Variants in ADAM29 observed in about 807,000 individuals in gnomAD.
ADAM29 encodes the protein ADAM metallopeptidase domain 29.
For missense variants in ADAM29, 969 were observed against 1,001.8 expected (o/e 0.97, Z 0.44); for synonymous variants, 367 against 342.3 (o/e 1.07, Z -0.80).
chr4:174,931,861 G>A (rs536488487), intron 3 of ADAM29, among the ~76,000 whole-genome samples: 3 of 152,200 alleles, frequency 2.0e-5, no homozygotes, highest in African/African-American at 7.2e-5. Flanking sequence ...CAGTGAGAGG[G>A]AGAGTGGGAG....
At chr4:174,953,222 C>T (rs1190064292) in intron 4 of ADAM29, among the ~76,000 whole-genome samples, 1 of 151,980 alleles carries the variant, frequency 6.6e-6, no homozygotes, top group Non-Finnish European at 1.5e-5. Flanking sequence ...GGAGGCGGAG[C>T]TTGCAGTGAG....
intron 4 of ADAM29, among the ~76,000 whole-genome samples, chr4:174,958,524 C>A (rs1745634496): frequency 6.6e-6 from 1 of 151,748 alleles, no homozygotes; most frequent in Non-Finnish European, 1.5e-5. Context: ...TTGTCATAAT[C>A]TTCACATTTA....
chr4:174,919,589 C>G (rs1201518688), intron 1 of ADAM29, among the ~76,000 whole-genome samples: 2 of 152,144 alleles, frequency 1.3e-5, no homozygotes, highest in Non-Finnish European at 2.9e-5. Flanking sequence ...AATTTAGTTA[C>G]TTGTGGTTGT....
intron 4 of ADAM29, among the ~76,000 whole-genome samples, chr4:174,972,159 T>A (rs2111104098): frequency 6.6e-6 from 1 of 152,348 alleles, no homozygotes; most frequent in Middle Eastern, 3.4e-3. Flanking sequence ...AAGTAAATCA[T>A]ATAATGATGT....
At chr4:174,966,177 A>G (rs1470348620) in intron 4 of ADAM29, among the ~76,000 whole-genome samples, 1 of 152,216 alleles carries the variant, frequency 6.6e-6, no homozygotes, top group Non-Finnish European at 1.5e-5. Context: ...AATGACAAGA[A>G]AACTGAATCT....
At chr4:174,939,698 A>T (rs1298376695) in intron 4 of ADAM29, among the ~76,000 whole-genome samples, 1 of 152,160 alleles carries the variant, frequency 6.6e-6, no homozygotes. Context: ...GAAAAAATAA[A>T]ATTTACCTAC....
At chr4:174,929,755 CTT>C (rs61292393) in intron 2 of ADAM29, among the ~76,000 whole-genome samples, 87 of 140,050 alleles carry the variant, frequency 6.2e-4, no homozygotes, top group Middle Eastern at 3.7e-3. Flanking sequence ...ATCTCTCTCT[CTT>C]TTTTTTTTTT....
At chr4:174,942,612 A>T (rs1418702592) in intron 4 of ADAM29, among the ~76,000 whole-genome samples, 1 of 152,064 alleles carries the variant, frequency 6.6e-6, no homozygotes, top group Non-Finnish European at 1.5e-5. Context: ...GGCTTCACAG[A>T]GCAGTTGGGC....
chr4:174,962,819 G>A (rs558471748), intron 4 of ADAM29, among the ~76,000 whole-genome samples: 7 of 152,202 alleles, frequency 4.6e-5, no homozygotes, highest in African/African-American at 1.7e-4. Flanking sequence ...TTCAACATTT[G>A]TTTGTATTAA....
intron 3 of ADAM29, among the ~76,000 whole-genome samples, chr4:174,934,580 C>T (rs1259048200): frequency 6.6e-6 from 1 of 151,996 alleles, no homozygotes; most frequent in Non-Finnish European, 1.5e-5. Flanking sequence ...TTTCTATAAC[C>T]AAAACTCTTC....
At chr4:174,926,077 C>G (rs569740003) in intron 2 of ADAM29, among the ~76,000 whole-genome samples, 23 of 152,158 alleles carry the variant, frequency 1.5e-4, no homozygotes, top group African/African-American at 5.3e-4. Flanking sequence ...TGGAGATTTG[C>G]AAAACCACTG....
intron 4 of ADAM29, among the ~76,000 whole-genome samples, chr4:174,962,421 A>T (rs1745885592): frequency 6.6e-6 from 1 of 151,676 alleles, no homozygotes; most frequent in East Asian, 1.9e-4. Context: ...CTGAGGCAGG[A>T]GAATGGCGTG....
chr4:174,924,573 A>G (rs1470101010), intron 2 of ADAM29, among the ~76,000 whole-genome samples: 1 of 152,248 alleles, frequency 6.6e-6, no homozygotes, highest in Non-Finnish European at 1.5e-5. Flanking sequence ...AGCCTTCAGT[A>G]TGCTAATGAA....
At chr4:174,955,067 T>C (rs975726056) in intron 4 of ADAM29, among the ~76,000 whole-genome samples, 2 of 140,088 alleles carry the variant, frequency 1.4e-5, no homozygotes, top group Non-Finnish European at 3.1e-5. Context: ...TGTATGTTAG[T>C]AATAGTATTA....
At chr4:174,961,129 AAAT>A (rs1360846476) in intron 4 of ADAM29, among the ~76,000 whole-genome samples, 1 of 152,126 alleles carries the variant, frequency 6.6e-6, no homozygotes, top group African/African-American at 2.4e-5. Context: ...TAAAAATAAA[AAAT>A]AATTATATCT....
intron 4 of ADAM29, among the ~76,000 whole-genome samples, chr4:174,973,845 G>A (rs559053336): frequency 1.3e-5 from 2 of 152,260 alleles, no homozygotes; most frequent in African/African-American, 4.8e-5. Context: ...CGAGGCTTTG[G>A]TCTTCCTATG....
chr4:174,972,200 T>A (rs930490645), intron 4 of ADAM29, among the ~76,000 whole-genome samples: 1 of 152,220 alleles, frequency 6.6e-6, no homozygotes, highest in Middle Eastern at 3.2e-3. Flanking sequence ...AAGATTTATC[T>A]CTTCTTTCTT....
chr4:174,945,005 T>C (rs1372194294), intron 4 of ADAM29, among the ~76,000 whole-genome samples: 7 of 152,150 alleles, frequency 4.6e-5, no homozygotes, highest in Non-Finnish European at 1.0e-4. Flanking sequence ...TGTGTTTTTA[T>C]GGTGGAACAA....
intron 2 of ADAM29, among the ~76,000 whole-genome samples, chr4:174,926,721 C>CAAAA (rs34308315): frequency 4.8e-4 from 52 of 107,572 alleles, no homozygotes; most frequent in South Asian, 9.3e-4. Context: ...AGACCATGTC[C>CAAAA]AAAAAAAAAA....
Sources: gnomAD v4.1 joint callset for allele counts (sites outside exome capture counted in the v4.1 genomes callset) on GRCh38, gnomAD v4.1.1 for gene constraint, MANE v1.5 for transcripts, NCBI Gene and HGNC (gene_info 2026-07-23, HGNC 2026-07-21) for gene names.